STPG2: variants seen among roughly 807,000 people sequenced by gnomAD.
STPG2 encodes the protein sperm-tail PG-rich repeat-containing protein 2.
STPG2 carries 56 observed loss-of-function variants against 54.2 expected under a neutral mutation model. The observed-to-expected ratio is 1.03, with a 90% CI of 0.83 to 1.29. The LOEUF (loss-of-function observed/expected upper bound fraction) is 1.29, where lower values mean the gene tolerates loss of function less well. STPG2 is among the 50% of genes most tolerant of loss of function. The probability of loss-of-function intolerance (pLI) is 0.00; values close to 1 mark genes in which losing one functional copy is unlikely to be tolerated. For synonymous variants in STPG2, 200 were observed against 181.8 expected (o/e 1.10, Z -0.81); for missense variants, 596 against 544.9 (o/e 1.09, Z -0.93).
Position 97,796,619 on chromosome 4 carries a change from T to C in STPG2, c.1204+44154A>G, listed in dbSNP as rs182786108. 5.7e-3 allele frequency among the ~76,000 whole-genome samples: 867 copies of C among 152,340 alleles called. 5 individuals carry two copies. The highest frequency in any genetic ancestry group is 0.02 in the Middle Eastern group (6 of 294). On this transcript the variant is annotated intron_variant, in intron 9 of 10. Transcript: ENST00000295268. ...GTTACTGTAGCCTTGTAGTATAGTT[T>C]GAAGTCAGGTAGCATGATGCCTCCA...
chr4:97,459,544 A>C (rs1386166901), intron 4 of STPG2, among the ~76,000 whole-genome samples: 1 of 146,272 alleles, frequency 6.8e-6, no homozygotes, highest in African/African-American at 2.6e-5. Flanking sequence ...GGTTCACGCC[A>C]TTCTCCTGCC....
chr4:97,819,520 A>T (rs1234690598), intron 9 of STPG2, among the ~76,000 whole-genome samples: 1 of 152,134 alleles, frequency 6.6e-6, no homozygotes, highest in South Asian at 2.1e-4. Flanking sequence ...TGATCTACTC[A>T]TTACTGAGTA....
At chr4:97,870,030 T>C (rs1729930823) in intron 8 of STPG2, among the ~76,000 whole-genome samples, 1 of 151,630 alleles carries the variant, frequency 6.6e-6, no homozygotes, top group Non-Finnish European at 1.5e-5. Context: ...CAATTATTTC[T>C]CCTTATGTGC....
At chr4:97,795,104 A>C (rs1193408769) in intron 9 of STPG2, among the ~76,000 whole-genome samples, 1 of 152,056 alleles carries the variant, frequency 6.6e-6, no homozygotes, top group Non-Finnish European at 1.5e-5. Context: ...TCATTCCTTG[A>C]TTCTCTGAAT....
chr4:97,530,880 G>T (rs1345333660), intron 4 of STPG2, among the ~76,000 whole-genome samples: 1 of 152,196 alleles, frequency 6.6e-6, no homozygotes, highest in Non-Finnish European at 1.5e-5. Flanking sequence ...TCACAGCAAA[G>T]CTATGCTGGA....
In STPG2 at chr4:97,972,336, T is replaced by C. The variant is rs1734357504; in HGVS notation, c.877A>G (p.Thr293Ala). 6.2e-7 allele frequency: 1 copy of C among 1,610,224 alleles called. No individual in the cohort carries two copies. The highest frequency in any genetic ancestry group is 8.5e-7 in the Non-Finnish European group (1 of 1,178,082). ...KSAFGSSVPRTFFSVQKEACA... is the reference protein window; with the variant it reads ...KSAFGSSVPRAFFSVQKEACA... Reference sequence around the variant, plus strand: ...GCTTCTTTCTGAACCGAGAAGAAAGTCCGAGGAACAGAAGAACCAAATGCA... The same window carrying C: ...GCTTCTTTCTGAACCGAGAAGAAAGCCCGAGGAACAGAAGAACCAAATGCA... The change falls in exon 7 of 11, where the codon ACT becomes GCT. Residue 293 changes from threonine to alanine, a missense_variant. Thr to Ala is a moderately conservative substitution (Grantham distance 58). Coordinates refer to ENST00000295268, the MANE Select transcript of STPG2 (RefSeq NM_174952.3).
intron 9 of STPG2, among the ~76,000 whole-genome samples, chr4:97,747,831 C>T (rs1725466437): frequency 6.6e-6 from 1 of 151,348 alleles, no homozygotes; most frequent in Non-Finnish European, 1.5e-5. Context: ...CTCATCTTTG[C>T]TTAGAAATTC....
intron 10 of STPG2, among the ~76,000 whole-genome samples, chr4:97,641,882 A>T (rs1002916518): frequency 4.6e-5 from 7 of 151,568 alleles, no homozygotes; most frequent in Non-Finnish European, 8.9e-5. Flanking sequence ...GTTCACTGTC[A>T]TCAATACCTG....
intron 8 of STPG2, among the ~76,000 whole-genome samples, chr4:97,934,780 G>C (rs753883071): frequency 6.6e-6 from 1 of 152,032 alleles, no homozygotes; most frequent in Non-Finnish European, 1.5e-5. Flanking sequence ...GAGGATTTTT[G>C]CATCTATGTT....
chr4:97,542,831 G>A (rs1294310186), intron 4 of STPG2, among the ~76,000 whole-genome samples: 1 of 152,098 alleles, frequency 6.6e-6, no homozygotes, highest in Non-Finnish European at 1.5e-5. Context: ...GGACATAGAT[G>A]AAGCTGGAAA....
intron 4 of STPG2, among the ~76,000 whole-genome samples, chr4:97,479,511 T>C (rs1334858667): frequency 6.6e-6 from 1 of 151,950 alleles, no homozygotes; most frequent in Non-Finnish European, 1.5e-5. Context: ...TTTAGTGGAC[T>C]ATAAATGTCC....
chr4:97,549,063 G>C (rs1424742383), intron 4 of STPG2, among the ~76,000 whole-genome samples: 1 of 28,630 alleles, frequency 3.5e-5, no homozygotes, highest in Non-Finnish European at 6.1e-5. Flanking sequence ...CCTACGAAAT[G>C]GAATAAAATG....
At chr4:97,881,179 A>C (rs943073011) in intron 8 of STPG2, among the ~76,000 whole-genome samples, 1 of 152,108 alleles carries the variant, frequency 6.6e-6, no homozygotes, top group Non-Finnish European at 1.5e-5. Flanking sequence ...AGAAGAGGCC[A>C]CTAAGTCTTA....
At chr4:97,758,033 T>C (rs1019727726) in intron 9 of STPG2, among the ~76,000 whole-genome samples, 2 of 152,204 alleles carry the variant, frequency 1.3e-5, no homozygotes, top group African/African-American at 4.8e-5. Flanking sequence ...TCCTACATAA[T>C]TTGAAGGTGT....
At chr4:98,085,306 T>C (rs1738471865) in intron 5 of STPG2, among the ~76,000 whole-genome samples, 1 of 152,090 alleles carries the variant, frequency 6.6e-6, no homozygotes, top group Non-Finnish European at 1.5e-5. Flanking sequence ...TTTATCCTAA[T>C]ACTAATAACA....
At chr4:97,548,175 TA>T (rs1489450458) in intron 4 of STPG2, among the ~76,000 whole-genome samples, 1 of 117,546 alleles carries the variant, frequency 8.5e-6, no homozygotes, top group Non-Finnish European at 1.9e-5. Context: ...CAAAACAAAA[TA>T]CATGAGTAGT....
intron 8 of STPG2, among the ~76,000 whole-genome samples, chr4:97,860,002 G>A (rs759458826): frequency 1.2e-4 from 19 of 152,090 alleles, no homozygotes; most frequent in South Asian, 6.2e-4. Context: ...TCCATTCTAC[G>A]TTCTTGTTTG....
intron 4 of STPG2, among the ~76,000 whole-genome samples, chr4:97,498,867 C>T (rs529834221): frequency 6.6e-6 from 1 of 151,662 alleles, no homozygotes; most frequent in African/African-American, 2.4e-5. Context: ...CAAGCACAAC[C>T]CAAATTATGA....
intron 8 of STPG2, among the ~76,000 whole-genome samples, chr4:97,926,026 A>G (rs918664606): frequency 2.6e-5 from 4 of 152,162 alleles, no homozygotes; most frequent in African/African-American, 9.7e-5. Context: ...AATTCCTTAT[A>G]CAATTTTATC....
Sources: gnomAD v4.1 joint callset for allele counts (sites outside exome capture counted in the v4.1 genomes callset) on GRCh38, gnomAD v4.1.1 for gene constraint, MANE v1.5 for transcripts, NCBI Gene and HGNC (gene_info 2026-07-23, HGNC 2026-07-21) for gene names.